Variants in CTU2 observed in about 807,000 individuals in gnomAD.
The protein encoded by CTU2 is cytoplasmic tRNA 2-thiolation protein 2.
A neutral mutation model predicts 64.1 loss-of-function variants in CTU2; 80 were observed. The observed-to-expected ratio is 1.25, with a 90% CI of 1.04 to 1.50. CTU2 has a LOEUF of 1.50. CTU2 is among the 40% of genes most tolerant of loss of function. The probability of loss-of-function intolerance (pLI) is 0.00; values close to 1 mark genes in which losing one functional copy is unlikely to be tolerated. For synonymous variants in CTU2, 482 were observed against 285.3 expected, an observed-to-expected ratio of 1.69 and a Z score of -6.95; for missense variants, 1,110 against 690.2, an observed-to-expected ratio of 1.61 and a Z score of -6.81.
Position 88,714,638 on chromosome 16 carries a change from A to G in CTU2, c.1253A>G (p.Gln418Arg). Reference sequence around the variant, plus strand: ...ACCTCCTCGCGTCTCTCCCAGATGCAGTCACCCATCCCCCTGACTGAGACC... The same window carrying G: ...ACCTCCTCGCGTCTCTCCCAGATGCGGTCACCCATCCCCCTGACTGAGACC... ...AQTSSRLSQM[Q>R]SPIPLTETRT... Residue 418 changes from glutamine (Q) to arginine (R), a missense_variant, in exon 12 of 15, where the codon CAG becomes CGG. Physicochemically the swap from Gln to Arg is conservative, Grantham distance 43. Coordinates refer to ENST00000453996, the MANE Select transcript of CTU2 (RefSeq NM_001012759.3). The G allele has an allele frequency of 6.2e-7, 1 of 1,612,548 alleles. No individual in the cohort carries two copies. Among genetic ancestry groups the G allele is most frequent in the Non-Finnish European group, 8.5e-7 (1 of 1,179,848 alleles).
chr16:88,713,674 G>A lies in CTU2; in HGVS notation c.901G>A (p.Val301Met), dbSNP rs747638371. The A allele has an allele frequency of 6.8e-6, 11 of 1,612,332 alleles. No individual in the cohort carries two copies. The highest frequency in any genetic ancestry group is 2.2e-5 in the South Asian group (2 of 91,072). ...CTTCTCGGATGAGCGGCACGGGGAC[G>A]TGGTGGTGGTGCGGCCCATGCGGGA... The part of the protein sequence containing the change: ...TGFSDERHGD[V>M]VVVRPMRDHT... The change falls in exon 9 of 15, where the codon GTG becomes ATG. Residue 301 changes from valine to methionine, a missense_variant. Transcript: ENST00000453996.
intron 1 of CTU2, 102 bp from the exon 2 acceptor site, chr16:88,707,034 C>T (rs1445714684): frequency 4.1e-6 from 5 of 1,206,188 alleles, no homozygotes; most frequent in Admixed American, 3.5e-5. Context: ...CTTTCTCTGA[C>T]CCAACTCAGG....
rs1310751793 is a variant in CTU2 at position 88,713,373 on chromosome 16, A to T, written c.799A>T (p.Ser267Cys). 6.2e-7 allele frequency: 1 copy of T among 1,604,008 alleles called. No homozygotes were observed. Among genetic ancestry groups the T allele is most frequent in the Admixed American group, 1.7e-5 (1 of 58,566 alleles). Residue 267 changes from serine to cysteine, a missense_variant, in exon 8 of 15, where the codon AGC (serine) becomes TGC (cysteine). Coordinates refer to ENST00000453996, the MANE Select transcript of CTU2 (RefSeq NM_001012759.3). ...HGYSKVMTGDSCTRLAIKLMT... is the reference protein window; with the variant it reads ...HGYSKVMTGDCCTRLAIKLMT... ...CTACTCCAAGGTCATGACTGGGGAC[A>T]GCTGCACACGCTTGGCTATCAAGCT...
chr16:88,713,808 C>G, intron 9 of CTU2, 30 bp downstream of exon 9: 1 of 1,611,228 alleles, frequency 6.2e-7, no homozygotes, highest in Non-Finnish European at 8.5e-7. Flanking sequence ...CAACCTCTCT[C>G]ACCATTGACA....
chr16:88,711,817 C>G (rs974023260), intron 5 of CTU2, 122 bp downstream of exon 5: 2 of 903,692 alleles, frequency 2.2e-6, no homozygotes, highest in Admixed American at 2.5e-5. Context: ...TGTTGAGCTA[C>G]TGGTGCTGCC....
At position 88,706,590 on chromosome 16, in the gene CTU2, G is replaced by A; in HGVS notation, c.60G>A (p.Pro20=). The change falls in exon 1 of 15, where the codon CCG becomes CCA. Residue 20 remains proline, a synonymous_variant. Coordinates refer to ENST00000453996, the MANE Select transcript of CTU2 (RefSeq NM_001012759.3). ...CGCCTGAGGAGCCGCCCCCGGCGCC[G>A]CGGCCCAGGTAAGAGCTGGCGGCCG... The part of the protein sequence containing the change: ...EPAPEEPPPA[P]RPSREQKCVK... 2 of 1,451,904 alleles carry A rather than the reference G, an allele frequency of 1.4e-6. No homozygotes were observed. Among genetic ancestry groups the A allele is most frequent in the Non-Finnish European group, 1.8e-6 (2 of 1,109,142 alleles). The allele number at this position is 1,451,904 out of a possible 1,614,324, so 89.9% of individuals were successfully genotyped here.
chr16:88,706,514 C>A lies in CTU2; in HGVS notation c.-17C>A. On this transcript the variant is annotated 5_prime_UTR_variant, in exon 1 of 15. Coordinates refer to ENST00000453996, the MANE Select transcript of CTU2 (RefSeq NM_001012759.3). ...GCGCTGTCGCCGCCACAGTCTGCGA[C>A]GGGACCCGGCGTGCCCATGTGTCAG... is the stretch of plus-strand genomic sequence containing the variant. 7.0e-7 allele frequency: 1 copy of A among 1,420,004 alleles called. No individual in the cohort carries two copies. The highest frequency in any genetic ancestry group is 3.2e-5 in the Admixed American group (1 of 31,480). 88.0% of individuals were successfully genotyped at this position (1,420,004 alleles called of 1,614,324 possible).
chr16:88,706,715 C>T (rs1910870802), intron 1 of CTU2, 117 bp downstream of exon 1: 9 of 694,414 alleles, frequency 1.3e-5, no homozygotes, highest in African/African-American at 1.9e-5. Context: ...CGGGACCTCG[C>T]TCCCTAGCAC....
chr16:88,706,631 C>T (rs111958139), intron 1 of CTU2, 33 bp downstream of exon 1: 8 of 1,354,794 alleles, frequency 5.9e-6, no homozygotes, highest in African/African-American at 3.1e-5. Context: ...GCCAGGCCGC[C>T]CCTCGCCTTC....
Position 88,713,743 on chromosome 16 carries a change from G to C in CTU2, c.970G>C (p.Val324Leu). 3.1e-6 allele frequency: 5 copies of C among 1,612,690 alleles called. No homozygotes were observed. Among genetic ancestry groups the C allele is most frequent in the Non-Finnish European group, 4.2e-6 (5 of 1,179,898 alleles). ...CGCTTTCTACAACCGCCTGTTCTCCGTTCCTTCTGTCTTCACACCAGCCGT... is the reference window on the plus strand; with the variant it reads ...CGCTTTCTACAACCGCCTGTTCTCCCTTCCTTCTGTCTTCACACCAGCCGT... ...EVAFYNRLFS[V>L]PSVFTPAVDT... Residue 324 changes from valine (V) to leucine (L), a missense_variant, in exon 9 of 15, where the codon GTT (valine) becomes CTT (leucine). Physicochemically the swap from Val to Leu is conservative, Grantham distance 32 (BLOSUM62 1). Transcript: ENST00000453996.
chr16:88,712,765 G>T lies in CTU2; in HGVS notation c.597G>T (p.Gly199=), dbSNP rs1911444078. The change falls in exon 7 of 15, where the codon GGG becomes GGT. Residue 199 remains glycine, a synonymous_variant. Transcript: ENST00000453996. ...GAGGGPGPTQ[G]EEQPPQPPLD... ...GGGGTGGTCCTGGCCCGACTCAAGG[G>T]GAGGAACAGCCACCCCAGCCCCCGC... is the stretch of plus-strand genomic sequence containing the variant. The T allele has an allele frequency of 6.2e-7, 1 of 1,608,620 alleles. No individual in the cohort carries two copies. The highest frequency in any genetic ancestry group is 8.5e-7 in the Non-Finnish European group (1 of 1,178,302).
At position 88,712,886 on chromosome 16, in the gene CTU2, G is replaced by C. The variant is rs1446271667; in HGVS notation, c.718G>C (p.Glu240Gln). Residue 240 changes from glutamate to glutamine, a missense_variant, in exon 7 of 15, where the codon GAG (glutamate) becomes CAG (glutamine). Physicochemically the swap from Glu to Gln is conservative, Grantham distance 29. Transcript: ENST00000453996. ...CSVRTLTAKE[E>Q]LLQTLRTHLI... ...AGTGAGGACACTGACTGCCAAGGAG[G>C]AGCTTCTGCAGACCCTGCGGTGAGG... 2.0e-6 allele frequency: 3 copies of C among 1,532,070 alleles called. No individual in the cohort carries two copies. The highest frequency in any genetic ancestry group is 4.6e-5 in the East Asian group (2 of 43,778). 94.9% of individuals were successfully genotyped at this position (1,532,070 alleles called of 1,614,324 possible). A position where few individuals can be genotyped will look rare whatever the true frequency, so the allele number is the denominator to read the frequency against.
chr16:88,707,014 A>G (rs1406946149), intron 1 of CTU2, 122 bp from the exon 2 acceptor site: 3 of 873,256 alleles, frequency 3.4e-6, no homozygotes, highest in Non-Finnish European at 3.8e-6. Context: ...TTGTGTGTGT[A>G]CCGAGGTGCC....
Position 88,714,477 on chromosome 16 carries a change from G to A in CTU2, c.1192G>A (p.Asp398Asn), listed in dbSNP as rs750285064. The A allele has an allele frequency of 8.1e-6, 13 of 1,612,532 alleles. No individual in the cohort carries two copies. The highest frequency in any genetic ancestry group is 5.0e-5 in the Admixed American group (3 of 60,000). The stretch of plus-strand genomic sequence containing the variant: ...CCTCTGCATGTGTGCCCTGGACGTC[G>A]ACGCCGCTGGTCTGTGTTTCATGCT... ...CLLCMCALDVDAADSATAFGA... is the reference protein window; with the variant it reads ...CLLCMCALDVNAADSATAFGA... Residue 398 changes from aspartate (D) to asparagine (N), a missense_variant, in exon 11 of 15, where the codon GAC becomes AAC. Transcript: ENST00000453996.
chr16:88,713,695 C>T lies in CTU2; in HGVS notation c.922C>T (p.Arg308Trp), dbSNP rs779865269. 9 of 1,612,474 alleles carry T rather than the reference C, an allele frequency of 5.6e-6. No homozygotes were observed. Among genetic ancestry groups the T allele is most frequent in the South Asian group, 3.3e-5 (3 of 91,084 alleles). ...HGDVVVVRPM[R>W]DHTLKEVAFY... is the part of the protein sequence containing the mutation. ...GGACGTGGTGGTGGTGCGGCCCATGCGGGACCACACCCTGAAGGAGGTCGC... is the reference window on the plus strand; with the variant it reads ...GGACGTGGTGGTGGTGCGGCCCATGTGGGACCACACCCTGAAGGAGGTCGC... Residue 308 changes from arginine (R) to tryptophan (W), a missense_variant, in exon 9 of 15, where the codon CGG (arginine) becomes TGG (tryptophan). Coordinates refer to ENST00000453996, the MANE Select transcript of CTU2 (RefSeq NM_001012759.3).
In CTU2 at chr16:88,711,699, T is replaced by C; in HGVS notation, c.343+4T>C. ...GCAGGAGTCATCTTTGTTGACGGTA[T>C]GTGGGGCCATTGCTCCTCCTAGTCC... On this transcript the variant is annotated splice_donor_region_variant and intron_variant, in intron 5 of 14. Coordinates refer to ENST00000453996, the MANE Select transcript of CTU2 (RefSeq NM_001012759.3). The C allele has an allele frequency of 6.2e-7, 1 of 1,608,086 alleles. No individual in the cohort carries two copies. Among genetic ancestry groups the C allele is most frequent in the South Asian group, 1.1e-5 (1 of 90,244 alleles).
At position 88,713,748 on chromosome 16, in the gene CTU2, T is replaced by C. The variant is rs1478893849; in HGVS notation, c.975T>C (p.Pro325=). Residue 325 remains proline, a synonymous_variant, in exon 9 of 15, where the codon CCT becomes CCC. Coordinates refer to ENST00000453996, the MANE Select transcript of CTU2 (RefSeq NM_001012759.3). ...TCTACAACCGCCTGTTCTCCGTTCCTTCTGTCTTCACACCAGCCGTCGACA... is the reference window on the plus strand; with the variant it reads ...TCTACAACCGCCTGTTCTCCGTTCCCTCTGTCTTCACACCAGCCGTCGACA... ...VAFYNRLFSV[P]SVFTPAVDTK... 1 of 1,612,676 alleles carries C rather than the reference T, an allele frequency of 6.2e-7. No individual in the cohort carries two copies. Among genetic ancestry groups the C allele is most frequent in the South Asian group, 1.1e-5 (1 of 91,088 alleles).
intron 2 of CTU2, chr16:88,709,044 G>C (rs769045560): frequency 7.9e-5 from 12 of 152,246 alleles, no homozygotes; most frequent in Non-Finnish European, 1.6e-4. Flanking sequence ...GGAGGCCCAG[G>C]CAGGAGGGTC....
At chr16:88,713,608 G>C (rs765387109) in intron 8 of CTU2, 39 bp from the exon 9 acceptor site, 4 of 1,596,788 alleles carry the variant, frequency 2.5e-6, no homozygotes, top group African/African-American at 1.3e-5. Flanking sequence ...AAGCACATTC[G>C]GGCCTTGACC....
Sources: gnomAD v4.1 joint callset for allele counts on GRCh38, gnomAD v4.1.1 for gene constraint, MANE v1.5 for transcripts, NCBI Gene and HGNC (gene_info 2026-07-23, HGNC 2026-07-21) for gene names.